Variants in UBE2U observed in about 807,000 individuals in gnomAD.
The protein encoded by UBE2U is ubiquitin conjugating enzyme E2 U, also known as ubiquitin-conjugating enzyme E2 U.
A neutral mutation model predicts 41.2 loss-of-function variants in UBE2U; 39 were observed. The ratio of observed to expected loss-of-function variants is 0.95; its 90% CI spans 0.73 to 1.24. UBE2U has a LOEUF of 1.24. Ranked by LOEUF, UBE2U falls within the 50% of genes most tolerant of loss-of-function variation. UBE2U has a pLI of 0.00. For synonymous variants in UBE2U, 107 were observed against 117.8 expected (o/e 0.91, Z 0.60); for missense variants, 336 against 363.1 (o/e 0.93, Z 0.61).
At chr1:64,250,815 A>G (rs943131619) in intron 8 of UBE2U, among the ~76,000 whole-genome samples, 1 of 151,656 alleles carries the variant, frequency 6.6e-6, no homozygotes, top group African/African-American at 2.4e-5. Flanking sequence ...TTGCAAGGAC[A>G]AAAAACCAAA....
chr1:64,237,925 A>C (rs1438422482), intron 7 of UBE2U, among the ~76,000 whole-genome samples: 1 of 152,244 alleles, frequency 6.6e-6, no homozygotes, highest in Non-Finnish European at 1.5e-5. Flanking sequence ...AAAGATATGA[A>C]TTATCCTTAA....
At chr1:64,239,121 A>AAGGAGAAGGAGAAGGAGAAGG (rs1644750215) in intron 7 of UBE2U, among the ~76,000 whole-genome samples, 1 of 54,030 alleles carries the variant, frequency 1.9e-5, no homozygotes, top group African/African-American at 7.8e-5. Flanking sequence ...GAAGAAGAAG[A>AAGGAGAAGGAGAAGGAGAAGG]AGAAGAAGAA....
At chr1:64,221,861 T>C (rs1464488606) in intron 6 of UBE2U, among the ~76,000 whole-genome samples, 2 of 151,642 alleles carry the variant, frequency 1.3e-5, no homozygotes, top group South Asian at 2.1e-4. Flanking sequence ...CCAAGGCGGG[T>C]GGATCAGGAG....
At chr1:64,239,351 C>A (rs1644793052) in intron 7 of UBE2U, among the ~76,000 whole-genome samples, 1 of 151,388 alleles carries the variant, frequency 6.6e-6, no homozygotes, top group African/African-American at 2.4e-5. Context: ...ATTACCAGTG[C>A]CTTAAACATA....
chr1:64,256,742 T>C (rs545236028), intron 8 of UBE2U, among the ~76,000 whole-genome samples: 1 of 152,104 alleles, frequency 6.6e-6, no homozygotes, highest in Non-Finnish European at 1.5e-5. Context: ...CCAAAAGCAA[T>C]TGCAACAAAA....
chr1:64,260,626 T>A lies in UBE2U; in HGVS notation c.701T>A (p.Leu234His). 1 of 1,549,382 alleles carries A rather than the reference T, an allele frequency of 6.5e-7. No individual in the cohort carries two copies. Among genetic ancestry groups the A allele is most frequent in the Non-Finnish European group, 8.7e-7 (1 of 1,146,632 alleles). Residue 234 changes from leucine to histidine, a missense_variant, in exon 9 of 10, where the codon CTT becomes CAT. Transcript: ENST00000371077. ...NLKYSVIKCW[L>H]ARKRMPHEVT... Reference sequence around the variant, plus strand: ...AGGTATTCCGTTATCAAGTGTTGGCTTGCTAGAAAAAGAATGCCTCATGAA... The same window carrying A: ...AGGTATTCCGTTATCAAGTGTTGGCATGCTAGAAAAAGAATGCCTCATGAA...
intron 8 of UBE2U, among the ~76,000 whole-genome samples, chr1:64,260,395 C>T (rs1483695526): frequency 2.0e-5 from 3 of 152,124 alleles, no homozygotes; most frequent in Non-Finnish European, 2.9e-5. Flanking sequence ...TATTCATTTG[C>T]TTTTCCAACT....
chr1:64,231,496 CAAT>C (rs1644564885), intron 6 of UBE2U, among the ~76,000 whole-genome samples: 1 of 152,130 alleles, frequency 6.6e-6, no homozygotes, highest in African/African-American at 2.4e-5. Flanking sequence ...GCTCTGGAAG[CAAT>C]AATAGTAATG....
intron 8 of UBE2U, among the ~76,000 whole-genome samples, chr1:64,257,432 CA>C (rs1645111549): frequency 6.6e-6 from 1 of 151,950 alleles, no homozygotes; most frequent in African/African-American, 2.4e-5. Flanking sequence ...TATGCAGCCA[CA>C]AAAAAGAACG....
At chr1:64,227,722 A>C (rs918161736) in intron 6 of UBE2U, among the ~76,000 whole-genome samples, 1 of 152,156 alleles carries the variant, frequency 6.6e-6, no homozygotes, top group Non-Finnish European at 1.5e-5. Flanking sequence ...GAATCACTTG[A>C]ACCTGGGAGG....
intron 8 of UBE2U, among the ~76,000 whole-genome samples, chr1:64,258,914 T>C (rs192273429): frequency 6.6e-6 from 1 of 152,308 alleles, no homozygotes; most frequent in African/African-American, 2.4e-5. Context: ...TCCACAATGG[T>C]TGAACTAGTT....
chr1:64,250,036 CAT>C (rs1007837481), intron 8 of UBE2U, among the ~76,000 whole-genome samples: 12 of 152,100 alleles, frequency 7.9e-5, no homozygotes, highest in African/African-American at 2.4e-4. Flanking sequence ...AGAAACCCCA[CAT>C]GTTACACATA....
intron 8 of UBE2U, among the ~76,000 whole-genome samples, chr1:64,257,226 A>T (rs2100532809): frequency 6.6e-6 from 1 of 152,338 alleles, no homozygotes; most frequent in Non-Finnish European, 1.5e-5. Context: ...ACCTAGAGGC[A>T]GAAATACTAT....
At chr1:64,204,180 C>A in intron 1 of UBE2U, 64 bp downstream of exon 1, 2 of 1,500,756 alleles carry the variant, frequency 1.3e-6, no homozygotes, top group Non-Finnish European at 1.8e-6. Context: ...GGCAGTTTAA[C>A]CCATTTTATT....
At chr1:64,239,166 G>GAAGAAGAAGAAGA (rs1644776364) in intron 7 of UBE2U, among the ~76,000 whole-genome samples, 1 of 84,682 alleles carries the variant, frequency 1.2e-5, no homozygotes. Context: ...GAAAGAAGAA[G>GAAGAAGAAGAAGA]AAGAAGAAGA....
In UBE2U at chr1:64,206,772, T is replaced by C; in HGVS notation, c.157T>C (p.Phe53Leu). 6.3e-7 allele frequency: 1 copy of C among 1,587,758 alleles called. No individual in the cohort carries two copies. The highest frequency in any genetic ancestry group is 8.6e-7 in the Non-Finnish European group (1 of 1,160,506). ...LQNSVWQGLV[F>L]QLTIHFTSEY... ...TTATTTCTATATTATAGGTTTAGTC[T>C]TCCAACTGACAATACATTTTACATC... The change falls in exon 3 of 10, where the codon TTC becomes CTC. Residue 53 changes from phenylalanine (F) to leucine (L), a missense_variant. By Grantham distance (22) the Phe-to-Leu change is conservative (BLOSUM62 0). Transcript: ENST00000371077.
chr1:64,239,151 AAGAAGAAAGAAG>A (rs1644765134), intron 7 of UBE2U, among the ~76,000 whole-genome samples: 3 of 23,820 alleles, frequency 1.3e-4, no homozygotes, highest in Non-Finnish European at 2.2e-4. Context: ...GAAGAAGAAG[AAGAAGAAAGAAG>A]AAGAAGAAGA....
intron 8 of UBE2U, among the ~76,000 whole-genome samples, chr1:64,249,610 GATAAAA>G (rs1390143761): frequency 2.0e-5 from 3 of 151,564 alleles, no homozygotes; most frequent in Non-Finnish European, 4.4e-5. Flanking sequence ...AATATCTAGA[GATAAAA>G]ATAAATCAAA....
intron 9 of UBE2U, among the ~76,000 whole-genome samples, chr1:64,264,081 T>C (rs1359696774): frequency 6.6e-6 from 1 of 152,188 alleles, no homozygotes; most frequent in Non-Finnish European, 1.5e-5. Context: ...TGTGTTAGAC[T>C]CTCACTCTTG....
Sources: gnomAD v4.1 joint callset for allele counts (sites outside exome capture counted in the v4.1 genomes callset) on GRCh38, gnomAD v4.1.1 for gene constraint, MANE v1.5 for transcripts, NCBI Gene and HGNC (gene_info 2026-07-23, HGNC 2026-07-21) for gene names.